Variants in MAP7 observed in about 807,000 individuals in gnomAD.
MAP7 encodes microtubule associated protein 7.
In MAP7, 52 loss-of-function variants were observed where a neutral mutation model predicts 94.8. The observed-to-expected ratio is 0.55, with a 90% CI of 0.44 to 0.69. The LOEUF is 0.69. Ranked by LOEUF, MAP7 falls within the 30% of genes least tolerant of loss-of-function variation. MAP7 has a pLI of 0.00. For synonymous variants in MAP7, 350 were observed against 357.0 expected, an observed-to-expected ratio of 0.98 and a Z score of 0.22; for missense variants, 940 against 964.6, an observed-to-expected ratio of 0.97 and a Z score of 0.34.
intron 3 of MAP7, among the ~76,000 whole-genome samples, chr6:136,397,001 A>G (rs896456093): frequency 2.6e-5 from 4 of 152,216 alleles, no homozygotes; most frequent in African/African-American, 9.7e-5. Flanking sequence ...AATCTTTTAA[A>G]GGAAGAATAT....
intron 1 of MAP7, among the ~76,000 whole-genome samples, chr6:136,460,066 C>A (rs979279829): frequency 1.3e-5 from 2 of 152,082 alleles, no homozygotes; most frequent in Non-Finnish European, 2.9e-5. Context: ...TTTTGAAGGA[C>A]CAACTTAACA....
In MAP7 at chr6:136,372,598, T is replaced by C; in HGVS notation, c.779A>G (p.Tyr260Cys). The C allele has an allele frequency of 1.2e-6, 2 of 1,614,158 alleles. No individual in the cohort carries two copies. The highest frequency in any genetic ancestry group is 1.7e-6 in the Non-Finnish European group (2 of 1,180,016). Residue 260 changes from tyrosine to cysteine, a missense_variant, in exon 8 of 18, where the codon TAC becomes TGC. Physicochemically the swap from Tyr to Cys is radical, Grantham distance 194. Transcript: ENST00000354570. Reference protein sequence around the residue: ...AASCSPIIMPYKAAHSRNSMD... With the variant: ...AASCSPIIMPCKAAHSRNSMD... ...CGAATTTCTAGAGTGTGCAGCTTTG[T>C]AGGGCATGATGATGGGGCTGCAAGA...
chr6:136,413,257 A>G (rs191432901), intron 2 of MAP7, among the ~76,000 whole-genome samples: 1 of 152,178 alleles, frequency 6.6e-6, no homozygotes, highest in East Asian at 1.9e-4. Flanking sequence ...AGCTGGGTGC[A>G]GTGGCTCATG....
chr6:136,372,025 A>G (rs1774663473), intron 8 of MAP7, among the ~76,000 whole-genome samples: 1 of 152,218 alleles, frequency 6.6e-6, no homozygotes, highest in African/African-American at 2.4e-5. Flanking sequence ...CAGGGCCTTG[A>G]CAGGGATTAG....
chr6:136,470,742 G>A (rs772162514), intron 1 of MAP7, among the ~76,000 whole-genome samples: 6 of 151,874 alleles, frequency 4.0e-5, no homozygotes, highest in South Asian at 4.2e-4. Context: ...GTGTGTGTGC[G>A]TTTTCGTGTG....
intron 13 of MAP7, 121 bp downstream of exon 13, chr6:136,360,576 T>A: frequency 1.3e-6 from 1 of 774,286 alleles, no homozygotes; most frequent in Non-Finnish European, 2.2e-6. Flanking sequence ...TTGTTATCAC[T>A]GAGGGGGCTA....
chr6:136,449,514 C>T (rs1264934313), intron 1 of MAP7, among the ~76,000 whole-genome samples: 3 of 152,056 alleles, frequency 2.0e-5, no homozygotes, highest in African/African-American at 4.8e-5. Flanking sequence ...CAGAAACAGC[C>T]GATTGGTTAC....
intron 2 of MAP7, among the ~76,000 whole-genome samples, chr6:136,415,425 C>A (rs1277542159): frequency 6.6e-6 from 1 of 152,162 alleles, no homozygotes; most frequent in Non-Finnish European, 1.5e-5. Flanking sequence ...CTTTCAAGTA[C>A]ATGCCAAATT....
chr6:136,491,390 C>G (rs1816555950), intron 1 of MAP7, among the ~76,000 whole-genome samples: 1 of 152,166 alleles, frequency 6.6e-6, no homozygotes, highest in South Asian at 2.1e-4. Context: ...AACCAGCAAG[C>G]CTCTTCTTCC....
At chr6:136,453,732 G>A (rs909655882) in intron 1 of MAP7, among the ~76,000 whole-genome samples, 1 of 152,118 alleles carries the variant, frequency 6.6e-6, no homozygotes, top group Non-Finnish European at 1.5e-5. Context: ...TGATATGGAG[G>A]TACTGGATAA....
rs559869492 is a variant in MAP7, at chr6:136,414,252, CAAAAAAAAAAAAAAAA to C, written c.167-2571_167-2556del. On this transcript the variant is annotated intron_variant, in intron 2 of 17. Coordinates refer to ENST00000354570, the MANE Select transcript of MAP7 (RefSeq NM_003980.6). The stretch of plus-strand genomic sequence containing the variant: ...TGGGCGACAGAGCGAGACTCCGTCT[CAAAAAAAAAAAAAAAA>C]AAAAAAAAAAAAAAAATTGGTTAAA... 4.9e-3 allele frequency among the ~76,000 whole-genome samples: 78 copies of C among 15,948 alleles called. 2 individuals are homozygous for C. The highest frequency in any genetic ancestry group is 9.2e-3 in the African/African-American group (69 of 7,464). The allele number at this position is 15,948 out of a possible 152,430, so 10.5% of individuals were successfully genotyped here.
At chr6:136,532,623 A>T (rs1828559409) in intron 1 of MAP7, among the ~76,000 whole-genome samples, 1 of 146,904 alleles carries the variant, frequency 6.8e-6, no homozygotes, top group Non-Finnish European at 1.5e-5. Flanking sequence ...TACAGGTTGA[A>T]TTTTTTTTTT....
intron 4 of MAP7, among the ~76,000 whole-genome samples, chr6:136,389,101 G>A (rs542396393): frequency 1.3e-5 from 2 of 152,296 alleles, no homozygotes; most frequent in South Asian, 4.2e-4. Flanking sequence ...CAGTACAGAT[G>A]AATTGCACTT....
intron 1 of MAP7, among the ~76,000 whole-genome samples, chr6:136,532,278 T>A (rs1828535153): frequency 6.6e-6 from 1 of 152,122 alleles, no homozygotes; most frequent in Admixed American, 6.5e-5. Flanking sequence ...TCATACTACA[T>A]GGTACTCGCA....
intron 1 of MAP7, among the ~76,000 whole-genome samples, chr6:136,459,682 T>A (rs1804544694): frequency 6.6e-6 from 1 of 152,148 alleles, no homozygotes; most frequent in Admixed American, 6.5e-5. Context: ...TCACTTATGA[T>A]GTATCTAAAA....
chr6:136,461,273 T>C (rs1298959393), intron 1 of MAP7, among the ~76,000 whole-genome samples: 1 of 152,186 alleles, frequency 6.6e-6, no homozygotes, highest in Non-Finnish European at 1.5e-5. Flanking sequence ...AAATCCTGAA[T>C]GACATATTTA....
chr6:136,433,902 C>T (rs1191118692), intron 1 of MAP7, among the ~76,000 whole-genome samples: 1 of 152,192 alleles, frequency 6.6e-6, no homozygotes, highest in Admixed American at 6.5e-5. Flanking sequence ...GAGCTGAAAG[C>T]TGAAGCTGCT....
chr6:136,369,312 G>A (rs369948452), intron 8 of MAP7, among the ~76,000 whole-genome samples: 1 of 152,228 alleles, frequency 6.6e-6, no homozygotes, highest in East Asian at 1.9e-4. Flanking sequence ...TACGACTCAT[G>A]TCTGCAATCC....
intron 1 of MAP7, among the ~76,000 whole-genome samples, chr6:136,463,368 T>G (rs1324119750): frequency 6.6e-6 from 1 of 152,226 alleles, no homozygotes; most frequent in African/African-American, 2.4e-5. Context: ...AAATGGAAAC[T>G]GAGGCTCAAA....
Sources: gnomAD v4.1 joint callset for allele counts (sites outside exome capture counted in the v4.1 genomes callset) on GRCh38, gnomAD v4.1.1 for gene constraint, MANE v1.5 for transcripts, NCBI Gene and HGNC (gene_info 2026-07-23, HGNC 2026-07-21) for gene names.